The following SPMIP5 variants were observed in gnomAD, a reference collection of about 807,000 sequenced individuals.
The protein encoded by SPMIP5 is sperm microtubule inner protein 5.
At chr10:116,668,416 G>A in the SPMIP5 span, 3 of 1,050,052 alleles carry the variant, frequency 2.9e-6, no homozygotes, top group South Asian at 1.3e-5. Context: ...CTTGGGAGTG[G>A]AAGAATGACT....
At chr10:116,665,087 G>T in the SPMIP5 span, 1 of 1,429,948 alleles carries the variant, frequency 7.0e-7, no homozygotes, top group South Asian at 1.6e-5. Flanking sequence ...CCAGGACTGT[G>T]CCCCCTCCCC....
At chr10:116,665,923 G>A in the SPMIP5 span, 1 of 1,058,938 alleles carries the variant, frequency 9.4e-7, no homozygotes, top group Non-Finnish European at 1.4e-6. Flanking sequence ...CCACCCTTTG[G>A]CATTTCTTCC....
At chr10:116,665,884 A>G in the SPMIP5 span, 1 of 1,469,748 alleles carries the variant, frequency 6.8e-7, no homozygotes, top group Non-Finnish European at 9.3e-7. Flanking sequence ...AGGAATTCAG[A>G]GCCCGCCTAA....
chr10:116,665,825 G>A, the SPMIP5 span: 9 of 1,604,240 alleles, frequency 5.6e-6, no homozygotes, highest in African/African-American at 5.3e-5. Flanking sequence ...ATGGCACAAA[G>A]CCTGCAAGAG....
the SPMIP5 span, chr10:116,664,765 C>T: frequency 2.5e-6 from 4 of 1,613,960 alleles, no homozygotes; most frequent in East Asian, 2.2e-5. Flanking sequence ...ACTCACTCTT[C>T]ATATGGTTTC....
At chr10:116,664,749 A>T in the SPMIP5 span, 1 of 1,613,210 alleles carries the variant, frequency 6.2e-7, no homozygotes, top group East Asian at 2.2e-5. Flanking sequence ...TACGGACCCA[A>T]GCCAGACTCA....
At chr10:116,666,537 C>T in the SPMIP5 span, among the ~76,000 whole-genome samples, 54,857 of 151,712 alleles carry the variant, frequency 0.36, 11,129 homozygotes, top group Middle Eastern at 0.51. Context: ...ATAAATCTCT[C>T]TCCTTATGGA....
the SPMIP5 span, chr10:116,668,219 C>A: frequency 6.3e-7 from 1 of 1,591,022 alleles, no homozygotes; most frequent in East Asian, 2.2e-5. Context: ...GACCCGGGTT[C>A]CCCTGCCAGG....
the SPMIP5 span, chr10:116,665,848 A>G: frequency 1.1e-5 from 17 of 1,590,068 alleles, no homozygotes; most frequent in Non-Finnish European, 1.5e-5. Flanking sequence ...GAATGGAATC[A>G]CAGCCTTCAG....
chr10:116,665,700 G>A, the SPMIP5 span: 1 of 1,614,052 alleles, frequency 6.2e-7, no homozygotes, highest in Non-Finnish European at 8.5e-7. Context: ...CGGGGCAGTG[G>A]CCACTGCGCA....
chr10:116,662,935 C>T, the SPMIP5 span, among the ~76,000 whole-genome samples: 1 of 152,112 alleles, frequency 6.6e-6, no homozygotes, highest in South Asian at 2.1e-4. Flanking sequence ...GTAATCCCAG[C>T]ACTTTGGGAG....
chr10:116,665,292 C>G, the SPMIP5 span: 1 of 375,988 alleles, frequency 2.7e-6, no homozygotes, highest in Non-Finnish European at 4.5e-6. Context: ...AGCTACTTGG[C>G]TGAGGCTGAG....
the SPMIP5 span, chr10:116,665,505 G>T: frequency 2.0e-6 from 2 of 993,158 alleles, no homozygotes; most frequent in Non-Finnish European, 3.0e-6. Context: ...CCTGGGATTT[G>T]GAACGGTGCG....
At chr10:116,664,749 A>G in the SPMIP5 span, 7,620 of 1,613,210 alleles carry the variant, frequency 4.7e-3, 275 homozygotes, top group African/African-American at 0.084. Flanking sequence ...TACGGACCCA[A>G]GCCAGACTCA....
At chr10:116,662,691 G>A in the SPMIP5 span, among the ~76,000 whole-genome samples, 1 of 152,130 alleles carries the variant, frequency 6.6e-6, no homozygotes, top group Non-Finnish European at 1.5e-5. Flanking sequence ...GGAGGTCAGG[G>A]TGCCTGCTGG....
At chr10:116,663,987 G>A in the SPMIP5 span, 1 of 1,542,958 alleles carries the variant, frequency 6.5e-7, no homozygotes. Flanking sequence ...TCTGAGCACA[G>A]CCACATGTCA....
At chr10:116,665,001 AC>A in the SPMIP5 span, 1 of 1,557,942 alleles carries the variant, frequency 6.4e-7, no homozygotes, top group Middle Eastern at 1.9e-4. Flanking sequence ...TTTTCCACTG[AC>A]CCAGAAGCTG....
At chr10:116,669,620 C>G in the SPMIP5 span, among the ~76,000 whole-genome samples, 1 of 152,316 alleles carries the variant, frequency 6.6e-6, no homozygotes, top group South Asian at 2.1e-4. Context: ...CTTTAATCCC[C>G]ACAGCTTCCC....
chr10:116,664,108 G>C, the SPMIP5 span: 1 of 1,613,610 alleles, frequency 6.2e-7, no homozygotes, highest in African/African-American at 1.3e-5. Flanking sequence ...AAGCAGAAAG[G>C]CCACTGCAAA....
Sources: allele counts gnomAD v4.1 joint callset (sites outside exome capture counted in the v4.1 genomes callset), GRCh38; gene constraint gnomAD v4.1.1; transcripts MANE v1.5; gene names NCBI Gene and HGNC (gene_info 2026-07-23, HGNC 2026-07-21).